The following PTPRD variants were observed in gnomAD, a reference collection of about 807,000 sequenced individuals.
The protein encoded by PTPRD is protein tyrosine phosphatase receptor type D.
Under a neutral mutation model 214.5 loss-of-function variants are expected in PTPRD, and 34 were observed. That is an observed-to-expected ratio of 0.16 (90% confidence interval 0.12 to 0.21). The LOEUF (loss-of-function observed/expected upper bound fraction) is 0.21. Among genes scored for constraint, PTPRD ranks in the 10% least tolerant of loss-of-function variants. PTPRD has a pLI of 1.00. For synonymous variants in PTPRD, 1,128 were observed against 845.7 expected (o/e 1.33, Z -5.79); for missense variants, 2,545 against 2,398.7 (o/e 1.06, Z -1.27).
intron 2 of PTPRD, among the ~76,000 whole-genome samples, chr9:10,468,034 A>C (rs1007964005): frequency 4.6e-5 from 7 of 152,114 alleles, no homozygotes; most frequent in African/African-American, 1.7e-4. Flanking sequence ...GAAATAGGAA[A>C]ACTTTTACAC....
At chr9:10,433,051 G>A (rs897225166) in intron 2 of PTPRD, among the ~76,000 whole-genome samples, 4 of 151,592 alleles carry the variant, frequency 2.6e-5, no homozygotes, top group African/African-American at 9.7e-5. Context: ...TAAGATCATG[G>A]TATTAAGTAT....
At chr9:9,957,593 AG>A (rs2094031432) in intron 4 of PTPRD, among the ~76,000 whole-genome samples, 1 of 152,178 alleles carries the variant, frequency 6.6e-6, no homozygotes, top group African/African-American at 2.4e-5. Context: ...TCACCACCAT[AG>A]CAAAAACAAA....
At chr9:8,837,464 C>T (rs764165454) in intron 11 of PTPRD, among the ~76,000 whole-genome samples, 1 of 151,926 alleles carries the variant, frequency 6.6e-6, no homozygotes, top group African/African-American at 2.4e-5. Flanking sequence ...GGCATTCTCA[C>T]ATCAGAAGAC....
At chr9:9,518,700 T>A (rs2096893983) in intron 8 of PTPRD, among the ~76,000 whole-genome samples, 1 of 151,978 alleles carries the variant, frequency 6.6e-6, no homozygotes, top group South Asian at 2.1e-4. Flanking sequence ...CAGAATTGTG[T>A]GAAAGAGTTT....
chr9:9,312,700 G>T (rs2135541030), intron 9 of PTPRD, among the ~76,000 whole-genome samples: 1 of 152,228 alleles, frequency 6.6e-6, no homozygotes, highest in Non-Finnish European at 1.5e-5. Context: ...ATAGGCTCTG[G>T]CCAACCTCTA....
At chr9:9,596,043 C>G (rs988192375) in intron 7 of PTPRD, among the ~76,000 whole-genome samples, 12 of 151,898 alleles carry the variant, frequency 7.9e-5, no homozygotes, top group Non-Finnish European at 5.9e-5. Flanking sequence ...TTACATATGT[C>G]CTTATGCAAG....
At chr9:8,331,477 G>A (rs1347210726) in intron 44 of PTPRD, 105 bp downstream of exon 44, 3 of 1,311,710 alleles carry the variant, frequency 2.3e-6, no homozygotes, top group Non-Finnish European at 3.1e-6. Context: ...GTAATACATT[G>A]CCAAGAATAA....
chr9:9,349,702 C>T (rs1229796653), intron 9 of PTPRD, among the ~76,000 whole-genome samples: 1 of 150,510 alleles, frequency 6.6e-6, no homozygotes, highest in Non-Finnish European at 1.5e-5. Context: ...TAATCTTTCT[C>T]TTTCCTAATT....
At chr9:9,129,421 C>T (rs929801134) in intron 10 of PTPRD, among the ~76,000 whole-genome samples, 5 of 151,968 alleles carry the variant, frequency 3.3e-5, no homozygotes, top group Admixed American at 1.3e-4. Flanking sequence ...ATTAAATATT[C>T]GATTCGTGTA....
At chr9:9,197,708 G>T (rs2099939444) in intron 9 of PTPRD, among the ~76,000 whole-genome samples, 1 of 152,142 alleles carries the variant, frequency 6.6e-6, no homozygotes, top group South Asian at 2.1e-4. Flanking sequence ...ACCATGTCCG[G>T]CCTATTTTTC....
At chr9:8,464,393 G>A (rs2096496192) in intron 32 of PTPRD, among the ~76,000 whole-genome samples, 1 of 151,940 alleles carries the variant, frequency 6.6e-6, no homozygotes, top group East Asian at 1.9e-4. Context: ...ATTCCAGGAA[G>A]GCCATTACTT....
At chr9:10,598,406 G>A (rs2077097163) in intron 2 of PTPRD, among the ~76,000 whole-genome samples, 1 of 151,640 alleles carries the variant, frequency 6.6e-6, no homozygotes, top group African/African-American at 2.4e-5. Context: ...CAGCATGGAA[G>A]GGACATAATG....
At chr9:10,415,856 A>C (rs1191973476) in intron 2 of PTPRD, among the ~76,000 whole-genome samples, 6 of 151,846 alleles carry the variant, frequency 4.0e-5, no homozygotes, top group South Asian at 2.1e-4. Context: ...AACTAAAGAC[A>C]ATGATGGAGA....
At chr9:8,609,364 G>T (rs115036798) in intron 14 of PTPRD, among the ~76,000 whole-genome samples, 217 of 152,262 alleles carry the variant, frequency 1.4e-3, no homozygotes, top group African/African-American at 5.0e-3. Context: ...TTTCTTCAAG[G>T]TCAGGCTCTG....
intron 2 of PTPRD, among the ~76,000 whole-genome samples, chr9:10,551,655 T>C (rs1340270733): frequency 6.6e-6 from 1 of 152,144 alleles, no homozygotes; most frequent in African/African-American, 2.4e-5. Context: ...CCTGGCTCTA[T>C]TATAGAATTA....
intron 34 of PTPRD, among the ~76,000 whole-genome samples, chr9:8,448,777 A>G (rs961507114): frequency 3.3e-5 from 5 of 152,224 alleles, no homozygotes; most frequent in African/African-American, 1.2e-4. Context: ...TTCACTGTAA[A>G]ATGTGTACTG....
chr9:10,430,443 T>A (rs993762585), intron 2 of PTPRD, among the ~76,000 whole-genome samples: 1 of 151,924 alleles, frequency 6.6e-6, no homozygotes, highest in Non-Finnish European at 1.5e-5. Flanking sequence ...TACGTATGTA[T>A]GTATATAATG....
intron 8 of PTPRD, among the ~76,000 whole-genome samples, chr9:9,427,532 G>A (rs1356841563): frequency 2.8e-5 from 3 of 107,368 alleles, no homozygotes; most frequent in African/African-American, 3.9e-5. Flanking sequence ...AGCAAGGCAG[G>A]CCAACATTGA....
chr9:10,134,607 G>A (rs772382942), intron 3 of PTPRD, among the ~76,000 whole-genome samples: 19 of 151,770 alleles, frequency 1.3e-4, no homozygotes, highest in South Asian at 1.0e-3. Context: ...TATATATCCC[G>A]TACAGATACT....
Sources: gnomAD v4.1 joint callset for allele counts (sites outside exome capture counted in the v4.1 genomes callset) on GRCh38, gnomAD v4.1.1 for gene constraint, MANE v1.5 for transcripts, NCBI Gene and HGNC (gene_info 2026-07-23, HGNC 2026-07-21) for gene names.